GRIA1: variants seen among roughly 807,000 people sequenced by gnomAD.
GRIA1 encodes glutamate receptor 1.
A neutral mutation model predicts 99.2 loss-of-function variants in GRIA1; 31 were observed. That is an observed-to-expected ratio of 0.31 (90% CI 0.23 to 0.42). GRIA1 has a LOEUF of 0.42. Among genes scored for constraint, GRIA1 ranks in the 10% least tolerant of loss-of-function variants. GRIA1 has a pLI of 1.00. For synonymous variants in GRIA1, 438 were observed against 432.4 expected (o/e 1.01, Z -0.16); for missense variants, 782 against 1,157.5 (o/e 0.68, Z 4.71).
intron 2 of GRIA1, among the ~76,000 whole-genome samples, chr5:153,583,371 A>G (rs1170177730): frequency 6.6e-6 from 1 of 152,174 alleles, no homozygotes; most frequent in Non-Finnish European, 1.5e-5. Flanking sequence ...AAGTGTTGCT[A>G]GGGCTGTGCT....
At chr5:153,718,382 G>A (rs1759810285) in intron 11 of GRIA1, among the ~76,000 whole-genome samples, 2 of 152,112 alleles carry the variant, frequency 1.3e-5, no homozygotes, top group Non-Finnish European at 2.9e-5. Context: ...ACTTATAGGA[G>A]GAATTACAGG....
At chr5:153,533,061 G>C (rs1310925118) in intron 2 of GRIA1, among the ~76,000 whole-genome samples, 1 of 152,100 alleles carries the variant, frequency 6.6e-6, no homozygotes, top group Non-Finnish European at 1.5e-5. Context: ...TAGCTCTGGT[G>C]TGCATCCAAT....
chr5:153,810,481 T>C (rs1375195859), intron 15 of GRIA1, among the ~76,000 whole-genome samples: 1 of 152,244 alleles, frequency 6.6e-6, no homozygotes, highest in South Asian at 2.1e-4. Context: ...CCTCAATTTA[T>C]TTGAACATTT....
chr5:153,630,368 G>C (rs1353948932), intron 2 of GRIA1, among the ~76,000 whole-genome samples: 1 of 152,042 alleles, frequency 6.6e-6, no homozygotes, highest in Non-Finnish European at 1.5e-5. Context: ...ATAAGCAAAG[G>C]AATATATTGA....
intron 13 of GRIA1, among the ~76,000 whole-genome samples, chr5:153,778,765 T>G (rs1322758552): frequency 6.6e-6 from 1 of 150,706 alleles, no homozygotes; most frequent in East Asian, 2.0e-4. Context: ...AATATACAAA[T>G]AAGAAAACAG....
chr5:153,524,386 A>G lies in GRIA1; in HGVS notation c.220+30321A>G, dbSNP rs554030168. ...CATCTGTATGATAACAAACTTCCGA[A>G]ATGATAGAGTCTGAAGATTATGCTT... On this transcript the variant is annotated intron_variant, in intron 2 of 15. Transcript: ENST00000285900. 4.6e-5 allele frequency among the ~76,000 whole-genome samples: 7 copies of G among 152,286 alleles called. No individual in the cohort carries two copies. The South Asian group carries it at 1.5e-3, about 32-fold the overall frequency.
At chr5:153,781,754 C>T (rs1488354735) in intron 13 of GRIA1, among the ~76,000 whole-genome samples, 1 of 152,126 alleles carries the variant, frequency 6.6e-6, no homozygotes, top group Non-Finnish European at 1.5e-5. Flanking sequence ...AATAAACATC[C>T]TAAAGGCAAC....
intron 8 of GRIA1, among the ~76,000 whole-genome samples, chr5:153,694,780 G>T (rs1199314810): frequency 6.6e-6 from 1 of 152,188 alleles, no homozygotes; most frequent in East Asian, 1.9e-4. Flanking sequence ...ATACTCAGTG[G>T]CTTTTAGAGG....
At chr5:153,580,401 A>G (rs1435704877) in intron 2 of GRIA1, among the ~76,000 whole-genome samples, 1 of 152,190 alleles carries the variant, frequency 6.6e-6, no homozygotes, top group Non-Finnish European at 1.5e-5. Context: ...TTTACACATT[A>G]TCTTGGCCAA....
At chr5:153,539,706 T>C (rs1341481932) in intron 2 of GRIA1, among the ~76,000 whole-genome samples, 1 of 152,230 alleles carries the variant, frequency 6.6e-6, no homozygotes, top group Non-Finnish European at 1.5e-5. Flanking sequence ...AAAATGTTAA[T>C]TTCTAAGCTC....
intron 2 of GRIA1, among the ~76,000 whole-genome samples, chr5:153,507,126 A>T (rs948807233): frequency 6.6e-5 from 10 of 152,116 alleles, no homozygotes; most frequent in Admixed American, 5.2e-4. Context: ...CCTTCTCAAA[A>T]AATAATAATA....
intron 15 of GRIA1, among the ~76,000 whole-genome samples, chr5:153,804,151 G>A (rs941458933): frequency 6.6e-6 from 1 of 152,066 alleles, no homozygotes; most frequent in African/African-American, 2.4e-5. Flanking sequence ...GACACAACAA[G>A]GAACAATTAA....
At chr5:153,790,825 A>T (rs1765248844) in intron 13 of GRIA1, among the ~76,000 whole-genome samples, 1 of 152,112 alleles carries the variant, frequency 6.6e-6, no homozygotes, top group Non-Finnish European at 1.5e-5. Flanking sequence ...TGAAAACTAG[A>T]TATCTAGAAA....
chr5:153,621,691 T>G (rs181910288), intron 2 of GRIA1, among the ~76,000 whole-genome samples: 4 of 152,230 alleles, frequency 2.6e-5, no homozygotes, highest in African/African-American at 9.6e-5. Flanking sequence ...AAGCACTTTT[T>G]AAAAGAATCA....
chr5:153,715,251 T>C (rs1217940770), intron 11 of GRIA1, among the ~76,000 whole-genome samples: 1 of 152,024 alleles, frequency 6.6e-6, no homozygotes, highest in East Asian at 1.9e-4. Flanking sequence ...CAAGTTGTGC[T>C]TCATTCTGTC....
At chr5:153,712,789 G>C (rs1054842082) in intron 11 of GRIA1, among the ~76,000 whole-genome samples, 6 of 152,160 alleles carry the variant, frequency 3.9e-5, no homozygotes, top group Admixed American at 6.5e-5. Flanking sequence ...AGCTAATCTG[G>C]GTCTTGGGAC....
chr5:153,534,737 A>G (rs903417814), intron 2 of GRIA1, among the ~76,000 whole-genome samples: 2 of 152,166 alleles, frequency 1.3e-5, no homozygotes, highest in Admixed American at 6.5e-5. Context: ...TTGGCCATCT[A>G]TGAAGTTGGA....
chr5:153,654,441 T>A (rs1429323078), intron 4 of GRIA1, among the ~76,000 whole-genome samples: 1 of 152,124 alleles, frequency 6.6e-6, no homozygotes, highest in Non-Finnish European at 1.5e-5. Flanking sequence ...TATTAGAAGC[T>A]GAATAGGTTC....
At chr5:153,560,034 A>C (rs962406043) in intron 2 of GRIA1, among the ~76,000 whole-genome samples, 1 of 152,158 alleles carries the variant, frequency 6.6e-6, no homozygotes, top group Non-Finnish European at 1.5e-5. Flanking sequence ...TAGAAAACCA[A>C]GGCACAGAGA....
Sources: gnomAD v4.1 joint callset for allele counts (sites outside exome capture counted in the v4.1 genomes callset) on GRCh38, gnomAD v4.1.1 for gene constraint, MANE v1.5 for transcripts, NCBI Gene and HGNC (gene_info 2026-07-23, HGNC 2026-07-21) for gene names.